CD86: variants seen among roughly 807,000 people sequenced by gnomAD.
CD86 encodes T-lymphocyte activation antigen CD86.
In CD86, 11 loss-of-function variants were observed where a neutral mutation model predicts 32.1. That is an observed-to-expected ratio of 0.34 (90% CI 0.22 to 0.57). The LOEUF is 0.57. Ranked by LOEUF, CD86 falls within the 20% of genes least tolerant of loss-of-function variation. The probability of loss-of-function intolerance (pLI) is 0.86; values close to 1 mark genes in which losing one functional copy is unlikely to be tolerated. For missense variants in CD86, 359 were observed against 398.4 expected, an observed-to-expected ratio of 0.90 and a Z score of 0.84; for synonymous variants, 137 against 135.3, an observed-to-expected ratio of 1.01 and a Z score of -0.09.
chr3:122,073,552 A>G (rs2072518597), intron 1 of CD86, among the ~76,000 whole-genome samples: 1 of 152,172 alleles, frequency 6.6e-6, no homozygotes, highest in African/African-American at 2.4e-5. Flanking sequence ...AGTAGCAGTA[A>G]AAATAAAAAT....
chr3:122,091,280 C>T (rs1425245738), intron 1 of CD86, among the ~76,000 whole-genome samples: 4 of 152,290 alleles, frequency 2.6e-5, no homozygotes, highest in African/African-American at 7.2e-5. Flanking sequence ...TCTGGATCCC[C>T]TGCTGCTAAG....
chr3:122,069,688 CT>C (rs371617523), intron 1 of CD86, among the ~76,000 whole-genome samples: 2 of 152,288 alleles, frequency 1.3e-5, no homozygotes, highest in African/African-American at 4.8e-5. Context: ...CCCCTGGCCC[CT>C]GTGGCCTTCC....
At chr3:122,091,851 G>T in intron 2 of CD86, 1 of 574,054 alleles carries the variant, frequency 1.7e-6, no homozygotes. Context: ...AGCTGGGATG[G>T]AGCTCTCCCC....
chr3:122,088,310 C>G (rs2072758347), intron 1 of CD86, among the ~76,000 whole-genome samples: 1 of 151,654 alleles, frequency 6.6e-6, no homozygotes, highest in African/African-American at 2.4e-5. Flanking sequence ...TAGTTATTTC[C>G]AGTTCCACAT....
intron 5 of CD86, 91 bp downstream of exon 5, chr3:122,109,499 A>G: frequency 6.9e-7 from 1 of 1,450,956 alleles, no homozygotes; most frequent in South Asian, 1.2e-5. Flanking sequence ...GGCTGAGCCT[A>G]GACTGGCAAA....
At chr3:122,073,031 A>T (rs2072510940) in intron 1 of CD86, among the ~76,000 whole-genome samples, 2 of 151,796 alleles carry the variant, frequency 1.3e-5, no homozygotes, top group Admixed American at 1.3e-4. Context: ...GTCAAAGATC[A>T]GATAGTTGTA....
chr3:122,081,803 C>T (rs2072638458), intron 1 of CD86, among the ~76,000 whole-genome samples: 1 of 152,198 alleles, frequency 6.6e-6, no homozygotes. Flanking sequence ...AAGTCTGACT[C>T]ACCTGTCAAA....
At chr3:122,075,749 T>C (rs1304703356) in intron 1 of CD86, among the ~76,000 whole-genome samples, 3 of 152,198 alleles carry the variant, frequency 2.0e-5, no homozygotes, top group Non-Finnish European at 4.4e-5. Context: ...CATTCATCTC[T>C]CTTTACTCCT....
At chr3:122,068,293 C>T (rs936025814) in intron 1 of CD86, among the ~76,000 whole-genome samples, 2 of 151,814 alleles carry the variant, frequency 1.3e-5, no homozygotes, top group Non-Finnish European at 2.9e-5. Context: ...AATATGCTGC[C>T]CATTTGTTAA....
chr3:122,114,041 A>G (rs1191164503), intron 5 of CD86, among the ~76,000 whole-genome samples: 2 of 152,130 alleles, frequency 1.3e-5, no homozygotes, highest in Non-Finnish European at 2.9e-5. Flanking sequence ...ACCTTAGATC[A>G]GGAGTTCGAG....
At chr3:122,073,776 G>A (rs971961375) in intron 1 of CD86, among the ~76,000 whole-genome samples, 10 of 152,120 alleles carry the variant, frequency 6.6e-5, no homozygotes, top group Non-Finnish European at 1.0e-4. Flanking sequence ...TGTTTACGGT[G>A]AAATCCTGGC....
In CD86 at chr3:122,119,702, G is replaced by T. The variant is rs930431445; in HGVS notation, c.*168G>T. 1.4e-5 allele frequency: 8 copies of T among 585,110 alleles called. No homozygotes were observed. Among genetic ancestry groups the T allele is most frequent in the Non-Finnish European group, 2.1e-5 (7 of 328,472 alleles). The allele number at this position is 585,110 out of a possible 1,614,324, so 36.2% of individuals were successfully genotyped here. ...ATAGCCTCCCTGTAACTCCAGCTCTGCTCCGTATGCCAAGAGGAGACTTTA... is the reference window on the plus strand; with the variant it reads ...ATAGCCTCCCTGTAACTCCAGCTCTTCTCCGTATGCCAAGAGGAGACTTTA... On this transcript the variant is annotated 3_prime_UTR_variant, in exon 7 of 7. Transcript: ENST00000330540.
chr3:122,085,507 TG>T (rs577275609), intron 1 of CD86, among the ~76,000 whole-genome samples: 16 of 152,322 alleles, frequency 1.1e-4, no homozygotes, highest in African/African-American at 3.4e-4. Context: ...CTTCCCAGCG[TG>T]GGTTTAGGCT....
chr3:122,113,894 C>T (rs2073211823), intron 5 of CD86, among the ~76,000 whole-genome samples: 1 of 152,140 alleles, frequency 6.6e-6, no homozygotes, highest in South Asian at 2.1e-4. Context: ...CTCTGAAGGG[C>T]ATCTCTATGA....
Position 122,103,780 on chromosome 3 carries a change from C to A in CD86, c.333C>A (p.Ile111=). The change falls in exon 3 of 7, where the codon ATC becomes ATA. Residue 111 remains isoleucine (I), a synonymous_variant. Coordinates refer to ENST00000330540, the MANE Select transcript of CD86 (RefSeq NM_175862.5). ...AGGACAAGGGCTTGTATCAATGTATCATCCATCACAAAAAGCCCACAGGAA... is the reference window on the plus strand; with the variant it reads ...AGGACAAGGGCTTGTATCAATGTATAATCCATCACAAAAAGCCCACAGGAA... The part of the protein sequence containing the change: ...QIKDKGLYQC[I]IHHKKPTGMI... 5 of 1,614,006 alleles carry A rather than the reference C, an allele frequency of 3.1e-6. No homozygotes were observed. Among genetic ancestry groups the A allele is most frequent in the Non-Finnish European group, 4.2e-6 (5 of 1,179,886 alleles).
intron 2 of CD86, among the ~76,000 whole-genome samples, chr3:122,102,207 A>G (rs991200557): frequency 6.6e-6 from 1 of 151,908 alleles, no homozygotes; most frequent in Non-Finnish European, 1.5e-5. Flanking sequence ...TCTTCAAATG[A>G]AGCTCCTCTC....
At position 122,091,579 on chromosome 3, in the gene CD86, CCT is replaced by C. The variant is rs765196947; in HGVS notation, c.15-21_15-20del. 1.4e-6 allele frequency: 2 copies of C among 1,430,934 alleles called. No homozygotes were observed. Among genetic ancestry groups the C allele is most frequent in the Non-Finnish European group, 1.8e-6 (2 of 1,084,562 alleles). The allele number at this position is 1,430,934 out of a possible 1,614,324, so 88.6% of individuals were successfully genotyped here. A position where few individuals can be genotyped will look rare whatever the true frequency, so the allele number is the denominator to read the frequency against. Reference sequence around the variant, plus strand: ...AGTTTCCTTTTCTAATCAAGTTTTACCTTTTTTTTTCTCGACTCTAGCACTAT... The same window carrying C: ...AGTTTCCTTTTCTAATCAAGTTTTACTTTTTTTTCTCGACTCTAGCACTAT... On this transcript the variant is annotated intron_variant, in intron 1 of 6. Coordinates refer to ENST00000330540, the MANE Select transcript of CD86 (RefSeq NM_175862.5).
chr3:122,110,679 T>C (rs532649433), intron 5 of CD86, among the ~76,000 whole-genome samples: 1 of 152,300 alleles, frequency 6.6e-6, no homozygotes, highest in South Asian at 2.1e-4. Flanking sequence ...AAACTGCCAA[T>C]GTATGGAGTG....
In CD86 at chr3:122,109,515, A is replaced by G. The variant is rs906869365; in HGVS notation, c.847+107A>G. On this transcript the variant is annotated intron_variant, in intron 5 of 6. Transcript: ENST00000330540. ...GCTGAGCCTAGACTGGCAAAAAGTC[A>G]GGAAGTTGTTGGGAAAAAAGGTTTT... is the stretch of plus-strand genomic sequence containing the variant. 76 of 1,306,806 alleles carry G rather than the reference A, an allele frequency of 5.8e-5. No individual in the cohort carries two copies. The South Asian group carries it at 6.8e-4, about 12-fold the overall frequency. 81.0% of individuals were successfully genotyped at this position (1,306,806 alleles called of 1,614,324 possible).
Sources: allele counts gnomAD v4.1 joint callset (sites outside exome capture counted in the v4.1 genomes callset), GRCh38; gene constraint gnomAD v4.1.1; transcripts MANE v1.5; gene names NCBI Gene and HGNC (gene_info 2026-07-23, HGNC 2026-07-21).